Variants in FGF14 observed in about 807,000 individuals in gnomAD.
FGF14 encodes the protein fibroblast growth factor homologous factor 4.
A neutral mutation model predicts 25.5 loss-of-function variants in FGF14; 5 were observed. That is an observed-to-expected ratio of 0.20 (90% CI 0.10 to 0.41). FGF14 has a LOEUF of 0.41. FGF14 is among the 10% of genes least tolerant of loss of function. FGF14 has a pLI of 1.00. For synonymous variants in FGF14, 138 were observed against 118.3 expected (o/e 1.17, Z -1.08); for missense variants, 222 against 320.1 (o/e 0.69, Z 2.34).
chr13:102,314,659 T>C (rs1274891311), intron 1 of FGF14, among the ~76,000 whole-genome samples: 1 of 152,154 alleles, frequency 6.6e-6, no homozygotes, highest in Non-Finnish European at 1.5e-5. Flanking sequence ...TAGACGTACA[T>C]GCAAATAAAC....
chr13:101,904,493 A>C (rs980948096), intron 1 of FGF14, among the ~76,000 whole-genome samples: 1 of 152,246 alleles, frequency 6.6e-6, no homozygotes. Context: ...TTGCTAAAAA[A>C]TGGATATTGC....
intron 1 of FGF14, among the ~76,000 whole-genome samples, chr13:102,397,874 C>T (rs1183431001): frequency 6.6e-6 from 1 of 152,136 alleles, no homozygotes; most frequent in Admixed American, 6.5e-5. Flanking sequence ...AAAATAAATG[C>T]CTTGGACTTA....
rs558026016 is a variant in FGF14, at chr13:102,016,447, G to A, written c.209-141151C>T. ...CTGAGATTAGTTAATTGCTATAGCTGATTTTTCTAAAAATTTTTATTGTTG... is the reference window on the plus strand; with the variant it reads ...CTGAGATTAGTTAATTGCTATAGCTAATTTTTCTAAAAATTTTTATTGTTG... On this transcript the variant is annotated intron_variant, in intron 1 of 4. Transcript: ENST00000376131. Among the ~76,000 whole-genome samples the A allele has an allele frequency of 5.3e-5, 8 of 152,234 alleles. No individual in the cohort carries two copies. In the East Asian group the frequency reaches 1.5e-3, roughly 29 times the overall value.
chr13:102,114,844 G>A (rs745327852), intron 1 of FGF14, among the ~76,000 whole-genome samples: 10 of 152,130 alleles, frequency 6.6e-5, no homozygotes, highest in Non-Finnish European at 1.0e-4. Flanking sequence ...GAGAGGAGAA[G>A]TTACTAATCA....
At chr13:102,219,533 T>C (rs2050518591) in intron 1 of FGF14, among the ~76,000 whole-genome samples, 1 of 152,230 alleles carries the variant, frequency 6.6e-6, no homozygotes, top group Admixed American at 6.5e-5. Context: ...TATATGATAC[T>C]TCCAACCATG....
intron 3 of FGF14, among the ~76,000 whole-genome samples, chr13:101,768,830 G>A (rs555446864): frequency 2.2e-4 from 33 of 152,056 alleles, no homozygotes; most frequent in African/African-American, 4.1e-4. Context: ...AATGGATCAC[G>A]TAAATAAATG....
At chr13:102,322,245 G>A (rs1337584544) in intron 1 of FGF14, among the ~76,000 whole-genome samples, 1 of 152,182 alleles carries the variant, frequency 6.6e-6, no homozygotes, top group Non-Finnish European at 1.5e-5. Context: ...CTTAATGCTT[G>A]CCGTGAAGCA....
chr13:102,058,947 T>TAAA (rs55849646), intron 1 of FGF14, among the ~76,000 whole-genome samples: 33 of 143,476 alleles, frequency 2.3e-4, no homozygotes, highest in African/African-American at 6.6e-4. Context: ...CAGTCTTAAC[T>TAAA]AAAAAAAAAA....
rs1215471943 is a variant in FGF14 at position 101,726,753 on chromosome 13, T to C, written c.466A>G (p.Ile156Val). 3.1e-6 allele frequency: 5 copies of C among 1,612,748 alleles called. No individual in the cohort carries two copies. The highest frequency in any genetic ancestry group is 4.2e-6 in the Non-Finnish European group (5 of 1,179,322). The change falls in exon 4 of 5, where the codon ATC becomes GTC. Residue 156 changes from isoleucine (I) to valine (V), a missense_variant. Coordinates refer to ENST00000376143, the MANE Select transcript of FGF14 (RefSeq NM_004115.4). Reference sequence around the variant, plus strand: ...TGTCTGTACAACATGGATGAGTAGATTACATAATAATTTTCAAAAACAGAT... The same window carrying C: ...TGTCTGTACAACATGGATGAGTAGACTACATAATAATTTTCAAAAACAGAT... ...KESVFENYYVIYSSMLYRQQE... is the reference protein window; with the variant it reads ...KESVFENYYVVYSSMLYRQQE...
chr13:102,052,276 T>G (rs1339863952), intron 1 of FGF14, among the ~76,000 whole-genome samples: 1 of 151,846 alleles, frequency 6.6e-6, no homozygotes, highest in Non-Finnish European at 1.5e-5. Flanking sequence ...ACAGAGCAAA[T>G]GTTTGAGTCC....
chr13:102,035,314 A>G (rs1203479407), intron 1 of FGF14, among the ~76,000 whole-genome samples: 3 of 152,124 alleles, frequency 2.0e-5, no homozygotes, highest in Non-Finnish European at 4.4e-5. Context: ...TATTTTTTGC[A>G]GCCATGTGTT....
chr13:101,993,936 A>T (rs936996346), intron 1 of FGF14, among the ~76,000 whole-genome samples: 17 of 152,044 alleles, frequency 1.1e-4, no homozygotes, highest in Non-Finnish European at 1.6e-4. Flanking sequence ...TAAAATAAAA[A>T]AAAGAAAGAT....
chr13:101,867,489 A>C (rs1356156390), intron 3 of FGF14, among the ~76,000 whole-genome samples: 1 of 152,164 alleles, frequency 6.6e-6, no homozygotes, highest in African/African-American at 2.4e-5. Flanking sequence ...TAGGCCCCTA[A>C]AATATTACTT....
intron 1 of FGF14, among the ~76,000 whole-genome samples, chr13:102,146,148 T>C (rs490785): frequency 0.026 from 3,999 of 152,260 alleles, 176 homozygotes; most frequent in African/African-American, 0.091. Context: ...TGACTATCAG[T>C]GTCAGTTGGG....
chr13:102,150,821 T>C (rs890657571), intron 1 of FGF14, among the ~76,000 whole-genome samples: 16 of 152,192 alleles, frequency 1.1e-4, no homozygotes, highest in Non-Finnish European at 1.8e-4. Flanking sequence ...TGGTATGTTG[T>C]AGATAGAGAT....
intron 3 of FGF14, among the ~76,000 whole-genome samples, chr13:101,761,654 A>C (rs1040690354): frequency 6.6e-6 from 1 of 152,210 alleles, no homozygotes; most frequent in African/African-American, 2.4e-5. Flanking sequence ...AGAAATAATA[A>C]ATGTTAGAGA....
At chr13:102,019,482 C>A (rs2040520012) in intron 1 of FGF14, among the ~76,000 whole-genome samples, 1 of 152,108 alleles carries the variant, frequency 6.6e-6, no homozygotes, top group African/African-American at 2.4e-5. Context: ...AGATAAACAT[C>A]CCATCTGTCC....
intron 1 of FGF14, among the ~76,000 whole-genome samples, chr13:101,981,754 G>A (rs2038282837): frequency 6.6e-6 from 1 of 152,142 alleles, no homozygotes; most frequent in Admixed American, 6.5e-5. Flanking sequence ...CCCTTCAGGG[G>A]TCTGTTGAAG....
chr13:101,961,562 T>C (rs893928585), intron 1 of FGF14, among the ~76,000 whole-genome samples: 20 of 152,230 alleles, frequency 1.3e-4, no homozygotes, highest in Middle Eastern at 6.8e-3. Context: ...GCTTTGGCTC[T>C]GTCCCCACCC....
Sources: allele counts gnomAD v4.1 joint callset (sites outside exome capture counted in the v4.1 genomes callset), GRCh38; gene constraint gnomAD v4.1.1; transcripts MANE v1.5; gene names NCBI Gene and HGNC (gene_info 2026-07-23, HGNC 2026-07-21).